EXOC2: variants seen among roughly 807,000 people sequenced by gnomAD.
EXOC2 encodes the protein exocyst complex component 2, also known as SEC5-like 1.
In EXOC2, 70 loss-of-function variants were observed where a neutral mutation model predicts 131.8. The ratio of observed to expected loss-of-function variants is 0.53; its 90% CI spans 0.44 to 0.65. The LOEUF (loss-of-function observed/expected upper bound fraction) is 0.65, where lower values mean the gene tolerates loss of function less well. Among genes scored for constraint, EXOC2 ranks in the 30% least tolerant of loss-of-function variants. The pLI, the probability that EXOC2 is intolerant of heterozygous loss-of-function variation, is 0.00. For missense variants in EXOC2, 923 were observed against 1,108.6 expected, an observed-to-expected ratio of 0.83 and a Z score of 2.38; for synonymous variants, 411 against 398.4, an observed-to-expected ratio of 1.03 and a Z score of -0.38.
intron 23 of EXOC2, among the ~76,000 whole-genome samples, chr6:528,319 G>T (rs1765868871): frequency 6.6e-6 from 1 of 152,070 alleles, no homozygotes; most frequent in African/African-American, 2.4e-5. Flanking sequence ...AGTTTCTGAA[G>T]AAGTAAACTC....
chr6:486,633 C>A lies in EXOC2; in HGVS notation c.*38G>T. On this transcript the variant is annotated 3_prime_UTR_variant, in exon 28 of 28. Coordinates refer to ENST00000230449, the MANE Select transcript of EXOC2 (RefSeq NM_018303.6). ...ACTTAGAGAGTGAACAGTCTTATTA[C>A]GTGTTATTTTCCTGGACTTCTTTTA... The A allele has an allele frequency of 6.6e-7, 1 of 1,523,072 alleles. No homozygotes were observed. Among genetic ancestry groups the A allele is most frequent in the Non-Finnish European group, 9.1e-7 (1 of 1,097,180 alleles). The allele number at this position is 1,523,072 out of a possible 1,614,324, so 94.3% of individuals were successfully genotyped here.
rs1447810545 is a variant in EXOC2, at chr6:488,234, C to G, written c.2681+745G>C. 2.6e-5 allele frequency among the ~76,000 whole-genome samples: 4 copies of G among 152,196 alleles called. 1 individual carries two copies. Among genetic ancestry groups the G allele is most frequent in the Non-Finnish European group, 5.9e-5 (4 of 68,032 alleles). On this transcript the variant is annotated intron_variant, in intron 27 of 27. Transcript: ENST00000230449. ...GGCCCAGCCTATGTGATCTCTCTGC[C>G]CTGCACTGAGTCTGCACTGCATTCA... is the stretch of plus-strand genomic sequence containing the variant.
intron 17 of EXOC2, among the ~76,000 whole-genome samples, chr6:558,820 T>C (rs9378926): frequency 0.067 from 10,091 of 151,332 alleles, 747 homozygotes; most frequent in East Asian, 0.41. Flanking sequence ...TCAAAAAAAT[T>C]AAAAATTAAA....
chr6:506,899 G>A lies in EXOC2; in HGVS notation c.2381-7199C>T, dbSNP rs1319121729. Among the ~76,000 whole-genome samples, 2 of 152,002 alleles carry A rather than the reference G, an allele frequency of 1.3e-5. No individual in the cohort carries two copies. The highest frequency in any genetic ancestry group is 2.1e-4 in the South Asian group (1 of 4,820). ...GTTTCCTCTTTTAATCATATAGGAA[G>A]GTCACTTGATTTTGGAACAGGCAAA... is the stretch of plus-strand genomic sequence containing the variant. On this transcript the variant is annotated intron_variant, in intron 23 of 27. Coordinates refer to ENST00000230449, the MANE Select transcript of EXOC2 (RefSeq NM_018303.6). The surrounding 1 kb of genome is among the most constrained non-coding windows in gnomAD (Gnocchi z 4.4).
At chr6:641,062 T>C (rs759003010) in intron 1 of EXOC2, among the ~76,000 whole-genome samples, 1 of 152,070 alleles carries the variant, frequency 6.6e-6, no homozygotes, top group Admixed American at 6.5e-5. Context: ...AATAATGTAG[T>C]AACTGACCAC....
At chr6:523,048 G>C (rs1473242811) in intron 23 of EXOC2, among the ~76,000 whole-genome samples, 1 of 152,222 alleles carries the variant, frequency 6.6e-6, no homozygotes, top group Non-Finnish European at 1.5e-5. Flanking sequence ...GAGGGAGTGA[G>C]ACTGGAGAGG....
chr6:599,814 C>T (rs1760029462), intron 7 of EXOC2, among the ~76,000 whole-genome samples: 1 of 151,278 alleles, frequency 6.6e-6, no homozygotes, highest in African/African-American at 2.4e-5. Context: ...CTTAAATCAG[C>T]TAATCTTATA....
At chr6:682,334 G>A (rs1461320672) in intron 1 of EXOC2, among the ~76,000 whole-genome samples, 1 of 151,784 alleles carries the variant, frequency 6.6e-6, no homozygotes, top group Non-Finnish European at 1.5e-5. Flanking sequence ...CGAATAGCTG[G>A]GACTACAGGC....
rs750502094 is a variant in EXOC2 at position 556,538 on chromosome 6, C to T, written c.1878G>A (p.Val626=). Residue 626 remains valine, a synonymous_variant, in exon 18 of 28, where the codon GTG becomes GTA. Coordinates refer to ENST00000230449, the MANE Select transcript of EXOC2 (RefSeq NM_018303.6). ...SLPCQFEQCI[V]CSLQSLKGVL... ...CCCCCTTCAGTGACTGCAGAGAACACACGATGCACTGTTCAAACTGACATG... is the reference window on the plus strand; with the variant it reads ...CCCCCTTCAGTGACTGCAGAGAACATACGATGCACTGTTCAAACTGACATG... 3.9e-5 allele frequency: 63 copies of T among 1,614,062 alleles called. No individual in the cohort carries two copies. Among genetic ancestry groups the T allele is most frequent in the Non-Finnish European group, 5.3e-5 (63 of 1,180,038 alleles).
At chr6:685,127 AACAC>A (rs35607623) in intron 1 of EXOC2, among the ~76,000 whole-genome samples, 7 of 149,606 alleles carry the variant, frequency 4.7e-5, no homozygotes, top group East Asian at 2.0e-4. Flanking sequence ...ATCATTTGAA[AACAC>A]ACACACACAC....
intron 13 of EXOC2, among the ~76,000 whole-genome samples, chr6:570,099 G>A (rs533090613): frequency 1.5e-3 from 233 of 152,028 alleles, no homozygotes; most frequent in African/African-American, 5.3e-3. Flanking sequence ...CAAACACTAC[G>A]GCTTAAAATC....
intron 4 of EXOC2, among the ~76,000 whole-genome samples, chr6:629,060 G>C (rs1348748321): frequency 6.6e-6 from 1 of 152,160 alleles, no homozygotes; most frequent in Admixed American, 6.5e-5. Context: ...TCAAGAGTAG[G>C]CTTGAAGATT....
chr6:539,035 A>T (rs1766638962), intron 22 of EXOC2, among the ~76,000 whole-genome samples: 1 of 151,528 alleles, frequency 6.6e-6, no homozygotes. Flanking sequence ...ACACCACTGC[A>T]CTACAGCCTG....
chr6:626,107 A>T (rs371382266), intron 4 of EXOC2, among the ~76,000 whole-genome samples: 1 of 152,232 alleles, frequency 6.6e-6, no homozygotes, highest in South Asian at 2.1e-4. Context: ...ATTTGTGACA[A>T]CTGCCATCGT....
At chr6:561,797 G>A (rs1757712353) in intron 17 of EXOC2, among the ~76,000 whole-genome samples, 1 of 152,138 alleles carries the variant, frequency 6.6e-6, no homozygotes, top group East Asian at 1.9e-4. Context: ...TGTTGGCCAG[G>A]ATGGTCTCGC....
intron 23 of EXOC2, among the ~76,000 whole-genome samples, chr6:510,658 G>A (rs1206118606): frequency 1.3e-3 from 191 of 152,234 alleles, no homozygotes; most frequent in African/African-American, 4.3e-3. Context: ...CTGATGTGTA[G>A]AACAGACCAT....
At chr6:633,907 A>C (rs764697821) in intron 2 of EXOC2, among the ~76,000 whole-genome samples, 6 of 152,198 alleles carry the variant, frequency 3.9e-5, no homozygotes, top group African/African-American at 7.2e-5. Context: ...AGTAAGGCAC[A>C]CACCTCAGGG....
chr6:675,203 C>T (rs919854965), intron 1 of EXOC2, among the ~76,000 whole-genome samples: 1 of 152,180 alleles, frequency 6.6e-6, no homozygotes, highest in Non-Finnish European at 1.5e-5. Flanking sequence ...TTTTAAAAGT[C>T]TTCCCTTTTC....
At chr6:636,206 T>C (rs574647406) in intron 2 of EXOC2, among the ~76,000 whole-genome samples, 68 of 152,386 alleles carry the variant, frequency 4.5e-4, no homozygotes, top group Non-Finnish European at 7.8e-4. Flanking sequence ...GCGAAAATTC[T>C]GGACGGAACC....
Sources: gnomAD v4.1 joint callset for allele counts (sites outside exome capture counted in the v4.1 genomes callset) on GRCh38, gnomAD v4.1.1 for gene constraint, Gnocchi (gnomAD v3.1) non-coding constraint, MANE v1.5 for transcripts, NCBI Gene and HGNC (gene_info 2026-07-23, HGNC 2026-07-21) for gene names.